The following GRID2 variants were observed in gnomAD, a reference collection of about 807,000 sequenced individuals.
GRID2 encodes the protein glutamate ionotropic receptor delta type subunit 2.
GRID2 carries 33 observed loss-of-function variants against 114.8 expected under a neutral mutation model. The ratio of observed to expected loss-of-function variants is 0.29; its 90% confidence interval spans 0.22 to 0.38. GRID2 has a LOEUF of 0.38. Among genes scored for constraint, GRID2 ranks in the 10% least tolerant of loss-of-function variants. GRID2 has a pLI of 1.00. For missense variants in GRID2, 1,184 were observed against 1,257.7 expected (o/e 0.94, Z 0.89); for synonymous variants, 505 against 449.9 (o/e 1.12, Z -1.55).
intron 2 of GRID2, among the ~76,000 whole-genome samples, chr4:92,971,985 G>C (rs1311128287): frequency 6.6e-6 from 1 of 152,074 alleles, no homozygotes; most frequent in Non-Finnish European, 1.5e-5. Context: ...TGAGAATAAT[G>C]CTGCAATTAA....
At position 93,524,327 on chromosome 4, in the gene GRID2, C is replaced by T. The variant is rs75145388; in HGVS notation, c.2193+8916C>T. On this transcript the variant is annotated intron_variant, in intron 13 of 15. Coordinates refer to ENST00000282020, the MANE Select transcript of GRID2 (RefSeq NM_001510.4). Reference sequence around the variant, plus strand: ...ATACATGATTCACTTCAGTACTACACCCTGCAGCTGAGAGCTCCGATACCA... The same window carrying T: ...ATACATGATTCACTTCAGTACTACATCCTGCAGCTGAGAGCTCCGATACCA... Among the ~76,000 whole-genome samples the T allele has an allele frequency of 5.0e-3, 756 of 152,142 alleles. 11 individuals carry two copies. Among genetic ancestry groups the T allele is most frequent in the African/African-American group, 0.018 (730 of 41,534 alleles).
At chr4:93,588,920 T>C (rs573425114) in intron 13 of GRID2, among the ~76,000 whole-genome samples, 7 of 152,252 alleles carry the variant, frequency 4.6e-5, no homozygotes, top group Admixed American at 1.3e-4. Context: ...CCCCATCAAG[T>C]TCAATGGGGC....
At chr4:93,599,116 C>T (rs568739823) in intron 13 of GRID2, among the ~76,000 whole-genome samples, 2 of 152,170 alleles carry the variant, frequency 1.3e-5, no homozygotes, top group Non-Finnish European at 2.9e-5. Context: ...ATACTGTCTC[C>T]TTTCACTTCT....
intron 1 of GRID2, among the ~76,000 whole-genome samples, chr4:92,435,229 C>T (rs1732680572): frequency 6.6e-6 from 1 of 152,160 alleles, no homozygotes; most frequent in African/African-American, 2.4e-5. Context: ...ATCCTTGGGA[C>T]ATTTCACAAA....
At chr4:92,996,311 A>G (rs990443218) in intron 2 of GRID2, among the ~76,000 whole-genome samples, 2 of 152,042 alleles carry the variant, frequency 1.3e-5, no homozygotes, top group Non-Finnish European at 2.9e-5. Context: ...AAAAATAAAA[A>G]AAATAAAAAA....
At chr4:92,892,312 T>C (rs1746848634) in intron 2 of GRID2, among the ~76,000 whole-genome samples, 1 of 152,096 alleles carries the variant, frequency 6.6e-6, no homozygotes, top group Non-Finnish European at 1.5e-5. Flanking sequence ...AAAAAAAAAT[T>C]GAGGGAACTT....
chr4:93,185,209 C>CA (rs989133556), intron 4 of GRID2, among the ~76,000 whole-genome samples: 4 of 152,128 alleles, frequency 2.6e-5, no homozygotes, highest in Non-Finnish European at 5.9e-5. Context: ...GAATTTAAGA[C>CA]AAAATTTCAA....
At chr4:93,728,532 G>T (rs7438187) in intron 14 of GRID2, among the ~76,000 whole-genome samples, 69,465 of 151,706 alleles carry the variant, frequency 0.46, 16,342 homozygotes, top group East Asian at 0.73. Context: ...TTCAATTCCT[G>T]GGTATCCTTG....
chr4:92,696,529 T>C (rs1406645558), intron 2 of GRID2, among the ~76,000 whole-genome samples: 1 of 152,156 alleles, frequency 6.6e-6, no homozygotes, highest in African/African-American at 2.4e-5. Flanking sequence ...AAATATATAG[T>C]TGCCTGAGTT....
rs374118052 is a variant in GRID2 at position 92,691,338 on chromosome 4, A to C, written c.244+101052A>C. On this transcript the variant is annotated intron_variant, in intron 2 of 15. Transcript: ENST00000282020. ...ATTATGAAGAGACTCCAGAGGAAAC[A>C]AATAACACAAGCAGATAATCAATGA... Among the ~76,000 whole-genome samples, 22 of 152,232 alleles carry C rather than the reference A, an allele frequency of 1.4e-4. No homozygotes were observed. The East Asian group carries it at 4.3e-3, about 30-fold the overall frequency.
chr4:92,882,256 A>C (rs1746079705), intron 2 of GRID2, among the ~76,000 whole-genome samples: 1 of 152,202 alleles, frequency 6.6e-6, no homozygotes, highest in African/African-American at 2.4e-5. Context: ...ATATGGTTTG[A>C]TTATAGTGCT....
At chr4:92,825,220 C>A (rs563096255) in intron 2 of GRID2, among the ~76,000 whole-genome samples, 2 of 152,022 alleles carry the variant, frequency 1.3e-5, no homozygotes, top group Admixed American at 1.3e-4. Context: ...AGAACCTTTG[C>A]GCAAATTACA....
At chr4:92,880,956 G>T (rs1290608621) in intron 2 of GRID2, among the ~76,000 whole-genome samples, 4 of 152,130 alleles carry the variant, frequency 2.6e-5, no homozygotes, top group African/African-American at 9.7e-5. Context: ...AGGCTGGAGT[G>T]CAGTGGCACT....
chr4:92,552,564 A>G (rs1278696005), intron 1 of GRID2, among the ~76,000 whole-genome samples: 2 of 152,196 alleles, frequency 1.3e-5, no homozygotes, highest in Admixed American at 6.6e-5. Context: ...GAAGAGATGG[A>G]AACTAATGGA....
At chr4:92,952,975 G>C (rs1385285111) in intron 2 of GRID2, among the ~76,000 whole-genome samples, 1 of 152,028 alleles carries the variant, frequency 6.6e-6, no homozygotes, top group African/African-American at 2.4e-5. Context: ...TCTGGTGATG[G>C]TCATCAACTG....
intron 1 of GRID2, among the ~76,000 whole-genome samples, chr4:92,392,708 T>C (rs1730305210): frequency 6.6e-6 from 1 of 152,002 alleles, no homozygotes; most frequent in South Asian, 2.1e-4. Flanking sequence ...AAAATTACTA[T>C]TTAAACTTTA....
At chr4:92,627,674 C>G (rs1730592951) in intron 2 of GRID2, among the ~76,000 whole-genome samples, 1 of 152,048 alleles carries the variant, frequency 6.6e-6, no homozygotes, top group Admixed American at 6.6e-5. Flanking sequence ...AAAATTTCTT[C>G]TGATATGTTT....
chr4:93,401,830 G>T (rs1465374759), intron 9 of GRID2, among the ~76,000 whole-genome samples: 1 of 151,984 alleles, frequency 6.6e-6, no homozygotes, highest in South Asian at 2.1e-4. Flanking sequence ...AGGATTGTTT[G>T]CCTGGCTGCA....
chr4:93,318,045 G>C (rs1391314671), intron 8 of GRID2, among the ~76,000 whole-genome samples: 1 of 127,508 alleles, frequency 7.8e-6, no homozygotes, highest in Non-Finnish European at 1.7e-5. Context: ...CAAGCAGTTG[G>C]TGAAGAGCAT....
Sources: gnomAD v4.1 joint callset for allele counts (sites outside exome capture counted in the v4.1 genomes callset) on GRCh38, gnomAD v4.1.1 for gene constraint, MANE v1.5 for transcripts, NCBI Gene and HGNC (gene_info 2026-07-23, HGNC 2026-07-21) for gene names.